Variants in DLG2 observed in about 807,000 individuals in gnomAD.
DLG2 encodes discs large MAGUK scaffold protein 2.
In DLG2, 45 loss-of-function variants were observed where a neutral mutation model predicts 132.5. The observed-to-expected ratio is 0.34, with a 90% confidence interval of 0.27 to 0.44. The LOEUF is 0.44. Among genes scored for constraint, DLG2 ranks in the 20% least tolerant of loss-of-function variants. DLG2 has a pLI of 1.00. For missense variants in DLG2, 1,045 were observed against 1,196.9 expected, an observed-to-expected ratio of 0.87 and a Z score of 1.87; for synonymous variants, 424 against 419.6, an observed-to-expected ratio of 1.01 and a Z score of -0.13.
chr11:84,318,596 C>T (rs2098383055), intron 7 of DLG2, among the ~76,000 whole-genome samples: 1 of 152,190 alleles, frequency 6.6e-6, no homozygotes, highest in African/African-American at 2.4e-5. Context: ...CATTTGAACA[C>T]TAAGACTCCC....
intron 18 of DLG2, among the ~76,000 whole-genome samples, chr11:83,745,314 T>A (rs2092824557): frequency 6.6e-6 from 1 of 152,244 alleles, no homozygotes. Flanking sequence ...ATCCTTGAAC[T>A]AAATTTATAA....
chr11:84,938,026 G>C (rs1000932031), intron 6 of DLG2, among the ~76,000 whole-genome samples: 20 of 152,120 alleles, frequency 1.3e-4, no homozygotes, highest in Admixed American at 5.2e-4. Context: ...TCATTCTGGG[G>C]TCAGTTCCTA....
At chr11:85,067,688 G>A (rs553484399) in intron 6 of DLG2, among the ~76,000 whole-genome samples, 5 of 152,008 alleles carry the variant, frequency 3.3e-5, no homozygotes, top group African/African-American at 1.2e-4. Context: ...TGGATTCACA[G>A]CCGAATTCTA....
chr11:83,881,039 C>T (rs10898167), intron 15 of DLG2, among the ~76,000 whole-genome samples: 38,203 of 106,332 alleles, frequency 0.36, 4,988 homozygotes, highest in East Asian at 0.47. Context: ...TGGTTTTTTC[C>T]ATTTTTTTAA....
intron 3 of DLG2, among the ~76,000 whole-genome samples, chr11:85,529,101 G>A (rs11605203): frequency 0.18 from 26,830 of 152,138 alleles, 2,629 homozygotes; most frequent in East Asian, 0.28. Flanking sequence ...CATCTTGCCA[G>A]TTTCACACAA....
intron 7 of DLG2, among the ~76,000 whole-genome samples, chr11:84,472,759 T>C (rs567430343): frequency 6.2e-4 from 94 of 152,080 alleles, no homozygotes; most frequent in Middle Eastern, 6.8e-3. Flanking sequence ...TGTGAGAATA[T>C]GACCATACCA....
intron 7 of DLG2, among the ~76,000 whole-genome samples, chr11:84,347,801 T>A (rs1204782291): frequency 6.6e-6 from 1 of 152,210 alleles, no homozygotes; most frequent in Non-Finnish European, 1.5e-5. Flanking sequence ...GTTCATAATA[T>A]GTGAGAAAAA....
chr11:83,956,602 G>A (rs2086917066), intron 14 of DLG2, among the ~76,000 whole-genome samples: 1 of 152,154 alleles, frequency 6.6e-6, no homozygotes, highest in Non-Finnish European at 1.5e-5. Flanking sequence ...AAGTAGACAG[G>A]GTGCCCCTAC....
intron 6 of DLG2, among the ~76,000 whole-genome samples, chr11:84,710,956 A>T (rs529847865): frequency 6.7e-6 from 1 of 149,078 alleles, no homozygotes; most frequent in South Asian, 2.1e-4. Flanking sequence ...CTTTATAATC[A>T]CTGAAATATA....
chr11:84,759,438 A>T (rs576791288), intron 6 of DLG2, among the ~76,000 whole-genome samples: 5 of 152,198 alleles, frequency 3.3e-5, no homozygotes, highest in Non-Finnish European at 7.3e-5. Flanking sequence ...GATGATAAAT[A>T]CTATTATAAT....
chr11:83,689,476 A>G (rs1186182243), intron 18 of DLG2, among the ~76,000 whole-genome samples: 1 of 152,200 alleles, frequency 6.6e-6, no homozygotes, highest in African/African-American at 2.4e-5. Flanking sequence ...GGAAAATGTC[A>G]TGCTTTATAG....
chr11:84,841,808 T>C (rs980963619), intron 6 of DLG2, among the ~76,000 whole-genome samples: 1 of 152,024 alleles, frequency 6.6e-6, no homozygotes, highest in African/African-American at 2.4e-5. Flanking sequence ...GTTTTAGTCT[T>C]AGGTCTTCCT....
chr11:84,246,728 T>C (rs1409902672), intron 8 of DLG2, among the ~76,000 whole-genome samples: 3 of 152,184 alleles, frequency 2.0e-5, no homozygotes, highest in Non-Finnish European at 4.4e-5. Context: ...TTCATGTATA[T>C]AGGATTTGGC....
chr11:83,770,016 C>T (rs1156920883), intron 18 of DLG2, among the ~76,000 whole-genome samples: 2 of 152,168 alleles, frequency 1.3e-5, no homozygotes, highest in Non-Finnish European at 2.9e-5. Flanking sequence ...TTAACACTGG[C>T]AATAACCCGT....
At chr11:84,682,755 A>G (rs762337825) in intron 6 of DLG2, among the ~76,000 whole-genome samples, 1 of 152,158 alleles carries the variant, frequency 6.6e-6, no homozygotes, top group Non-Finnish European at 1.5e-5. Context: ...GACTCTAGGA[A>G]GCCTTTACTC....
chr11:84,641,259 G>A (rs1341836847), intron 6 of DLG2, among the ~76,000 whole-genome samples: 1 of 152,162 alleles, frequency 6.6e-6, no homozygotes, highest in Non-Finnish European at 1.5e-5. Context: ...ATAAAGTGAA[G>A]ATAACAATAA....
At chr11:84,708,348 G>A (rs751509607) in intron 6 of DLG2, among the ~76,000 whole-genome samples, 2 of 151,778 alleles carry the variant, frequency 1.3e-5, no homozygotes, top group African/African-American at 2.4e-5. Flanking sequence ...TTTCTAAATT[G>A]CCAGATAAAA....
chr11:84,728,513 C>T (rs776592262), intron 6 of DLG2, among the ~76,000 whole-genome samples: 8 of 151,970 alleles, frequency 5.3e-5, no homozygotes, highest in Non-Finnish European at 7.4e-5. Context: ...TGAGGACCTT[C>T]GCATCGATGT....
chr11:84,360,010 GT>G (rs1383972455), intron 7 of DLG2, among the ~76,000 whole-genome samples: 61 of 151,858 alleles, frequency 4.0e-4, no homozygotes, highest in African/African-American at 1.4e-3. Context: ...TGGTAGCTTA[GT>G]AATGCAATCT....
Sources: allele counts gnomAD v4.1 joint callset (sites outside exome capture counted in the v4.1 genomes callset), GRCh38; gene constraint gnomAD v4.1.1; transcripts MANE v1.5; gene names NCBI Gene and HGNC (gene_info 2026-07-23, HGNC 2026-07-21).